Variants in GABRA5 observed in about 807,000 individuals in gnomAD.
The protein encoded by GABRA5 is gamma-aminobutyric acid receptor subunit alpha-5.
In GABRA5, 18 loss-of-function variants were observed where a neutral mutation model predicts 47.3. The ratio of observed to expected loss-of-function variants is 0.38; its 90% confidence interval spans 0.26 to 0.56. GABRA5 has a LOEUF of 0.56. Among genes scored for constraint, GABRA5 ranks in the 20% least tolerant of loss-of-function variants. The pLI, the probability that GABRA5 is intolerant of heterozygous loss-of-function variation, is 0.71. For synonymous variants in GABRA5, 237 were observed against 229.3 expected, an observed-to-expected ratio of 1.03 and a Z score of -0.30; for missense variants, 365 against 599.3, an observed-to-expected ratio of 0.61 and a Z score of 4.08.
intron 6 of GABRA5, among the ~76,000 whole-genome samples, chr15:26,913,390 C>T (rs185342611): frequency 6.6e-6 from 1 of 152,196 alleles, no homozygotes; most frequent in East Asian, 1.9e-4. Context: ...TCAGAAAATA[C>T]ATACATTGAC....
chr15:26,890,426 A>ATTTTTTTT (rs201726196), intron 6 of GABRA5, among the ~76,000 whole-genome samples: 1,340 of 128,200 alleles, frequency 0.01, 39 homozygotes, highest in East Asian at 0.094. Flanking sequence ...AGTCACTTCA[A>ATTTTTTTT]TTTTTTTTTT....
rs12442640 is a variant in GABRA5, at chr15:26,931,636, G to A, written c.581-5549G>A. 9.8e-3 allele frequency among the ~76,000 whole-genome samples: 1,487 copies of A among 152,300 alleles called. 105 individuals carry two copies. In the East Asian group the frequency reaches 0.18, roughly 18 times the overall value. ...CCTGTTTCCAAGGAGCTCATTATGGGCACTTTTGGAAAATTGGGTTAAATA... is the reference window on the plus strand; with the variant it reads ...CCTGTTTCCAAGGAGCTCATTATGGACACTTTTGGAAAATTGGGTTAAATA... On this transcript the variant is annotated intron_variant, in intron 7 of 10. Coordinates refer to ENST00000335625, the MANE Select transcript of GABRA5 (RefSeq NM_000810.4).
chr15:26,872,170 G>A (rs1595390838), intron 3 of GABRA5, among the ~76,000 whole-genome samples: 1 of 152,318 alleles, frequency 6.6e-6, no homozygotes, highest in South Asian at 2.1e-4. Context: ...AAGAATAATT[G>A]TGTCAAATCC....
chr15:26,946,523 G>C (rs1894515660), intron 10 of GABRA5, among the ~76,000 whole-genome samples: 1 of 151,236 alleles, frequency 6.6e-6, no homozygotes, highest in Admixed American at 6.6e-5. Context: ...ATTATAACTA[G>C]AGTCCAATAC....
intron 6 of GABRA5, among the ~76,000 whole-genome samples, chr15:26,903,562 A>T (rs1595412461): frequency 6.6e-6 from 1 of 151,844 alleles, no homozygotes; most frequent in South Asian, 2.1e-4. Flanking sequence ...ACTAATTTAC[A>T]CTCCAGCCAA....
At chr15:26,870,384 A>T (rs931889585) in intron 3 of GABRA5, among the ~76,000 whole-genome samples, 1 of 152,228 alleles carries the variant, frequency 6.6e-6, no homozygotes, top group Non-Finnish European at 1.5e-5. Flanking sequence ...CTGGTAGAAG[A>T]CAGCATTGGG....
In GABRA5 at chr15:26,895,175, C is replaced by T. The variant is rs368452805; in HGVS notation, c.497+11618C>T. Reference sequence around the variant, plus strand: ...GGTCGCCCACCACGTCCTGACCCCACCTGCCGCCCCCTTCACCCTTCAGTC... The same window carrying T: ...GGTCGCCCACCACGTCCTGACCCCATCTGCCGCCCCCTTCACCCTTCAGTC... On this transcript the variant is annotated intron_variant, in intron 6 of 10. Transcript: ENST00000335625. Among the ~76,000 whole-genome samples, 8 of 152,128 alleles carry T rather than the reference C, an allele frequency of 5.3e-5. No individual in the cohort carries two copies. The East Asian group carries it at 7.8e-4, about 15-fold the overall frequency.
At chr15:26,877,804 C>T (rs1892634442) in intron 3 of GABRA5, 8 of 377,054 alleles carry the variant, frequency 2.1e-5, no homozygotes, top group South Asian at 1.6e-4. Context: ...TTAAGAGAAC[C>T]TAGTGAATTA....
At chr15:26,937,152 G>C in intron 7 of GABRA5, 33 bp from the exon 8 acceptor site, 1 of 1,612,530 alleles carries the variant, frequency 6.2e-7, no homozygotes, top group Non-Finnish European at 8.5e-7. Flanking sequence ...ATGATTTCAT[G>C]TTTATGTCAC....
intron 6 of GABRA5, among the ~76,000 whole-genome samples, chr15:26,901,346 G>T (rs1310643557): frequency 6.6e-6 from 1 of 152,066 alleles, no homozygotes; most frequent in Non-Finnish European, 1.5e-5. Context: ...TCTGGATTTC[G>T]GCCATTTTAG....
intron 6 of GABRA5, 96 bp from the exon 7 acceptor site, chr15:26,914,707 A>C: frequency 2.3e-6 from 2 of 885,648 alleles, no homozygotes; most frequent in South Asian, 2.8e-5. Flanking sequence ...ATTAATTTTT[A>C]AAAGTACTTA....
At chr15:26,869,066 C>T (rs532131679) in intron 2 of GABRA5, 109 bp from the exon 3 acceptor site, 15 of 564,938 alleles carry the variant, frequency 2.7e-5, no homozygotes, top group Admixed American at 1.2e-4. Context: ...GGAAGGACAG[C>T]GGGCTCCTTT....
intron 3 of GABRA5, chr15:26,877,772 A>G (rs1892633540): frequency 4.9e-6 from 2 of 412,176 alleles, no homozygotes. Context: ...TATGCATTCA[A>G]TATAAGGAAA....
intron 10 of GABRA5, among the ~76,000 whole-genome samples, chr15:26,943,919 C>T (rs1005217610): frequency 6.6e-6 from 1 of 152,192 alleles, no homozygotes; most frequent in Non-Finnish European, 1.5e-5. Flanking sequence ...AGCAAAGAAC[C>T]ACCAAGTATT....
chr15:26,906,967 A>T (rs931196842), intron 6 of GABRA5, among the ~76,000 whole-genome samples: 2 of 152,228 alleles, frequency 1.3e-5, no homozygotes, highest in East Asian at 3.8e-4. Context: ...TCCCAACATA[A>T]ATAGGAATTG....
intron 7 of GABRA5, among the ~76,000 whole-genome samples, chr15:26,933,292 A>C (rs186520483): frequency 3.9e-5 from 6 of 152,262 alleles, no homozygotes; most frequent in Non-Finnish European, 8.8e-5. Flanking sequence ...GAGGGACGTA[A>C]TTCAAAGACA....
At chr15:26,939,463 G>A (rs1894333684) in intron 8 of GABRA5, 1 of 755,542 alleles carries the variant, frequency 1.3e-6, no homozygotes, top group Admixed American at 1.7e-5. Flanking sequence ...GACACAGCCA[G>A]CACAGGGCCT....
chr15:26,916,694 A>G (rs1893723713), intron 7 of GABRA5, among the ~76,000 whole-genome samples: 1 of 152,066 alleles, frequency 6.6e-6, no homozygotes, highest in Non-Finnish European at 1.5e-5. Flanking sequence ...TAAGTTTTTC[A>G]TCCATGAACG....
rs559656458 is a variant in GABRA5 at position 26,920,343 on chromosome 15, A to G, written c.580+5458A>G. ...CTGACTGAATAATTTCCAGTGATCT[A>G]TTTTTGAATTCATTGATCTTTCCTT... On this transcript the variant is annotated intron_variant, in intron 7 of 10. Coordinates refer to ENST00000335625, the MANE Select transcript of GABRA5 (RefSeq NM_000810.4). 2.0e-5 allele frequency among the ~76,000 whole-genome samples: 3 copies of G among 151,208 alleles called. No individual in the cohort carries two copies. The South Asian group carries it at 6.3e-4, about 32-fold the overall frequency.
Sources: gnomAD v4.1 joint callset for allele counts (sites outside exome capture counted in the v4.1 genomes callset) on GRCh38, gnomAD v4.1.1 for gene constraint, MANE v1.5 for transcripts, NCBI Gene and HGNC (gene_info 2026-07-23, HGNC 2026-07-21) for gene names.